The following TRIM44 variants were observed in gnomAD, a reference collection of about 807,000 sequenced individuals.
TRIM44 encodes tripartite motif containing 44.
In TRIM44, 13 loss-of-function variants were observed where a neutral mutation model predicts 37.4. The ratio of observed to expected loss-of-function variants is 0.35; its 90% CI spans 0.23 to 0.55. The LOEUF is 0.55. TRIM44 is among the 20% of genes least tolerant of loss of function. TRIM44 has a pLI of 0.89. For synonymous variants in TRIM44, 175 were observed against 157.2 expected (o/e 1.11, Z -0.85); for missense variants, 426 against 437.2 (o/e 0.97, Z 0.23).
chr11:35,738,770 G>A (rs938490007), intron 4 of TRIM44, among the ~76,000 whole-genome samples: 1 of 152,156 alleles, frequency 6.6e-6, no homozygotes, highest in Non-Finnish European at 1.5e-5. Flanking sequence ...GAAAGGAAGT[G>A]TGGGAGTCCC....
At chr11:35,795,451 T>C (rs1446963458) in intron 4 of TRIM44, among the ~76,000 whole-genome samples, 1 of 151,384 alleles carries the variant, frequency 6.6e-6, no homozygotes, top group South Asian at 2.1e-4. Context: ...ATGGGAGAGG[T>C]TGTGCAGGGT....
intron 4 of TRIM44, among the ~76,000 whole-genome samples, chr11:35,776,450 C>G (rs542763742): frequency 1.3e-5 from 2 of 152,282 alleles, no homozygotes; most frequent in Admixed American, 1.3e-4. Flanking sequence ...TTTTGTGTCT[C>G]TATCTCCTTC....
intron 1 of TRIM44, among the ~76,000 whole-genome samples, chr11:35,670,790 G>T (rs1017568598): frequency 2.6e-4 from 40 of 152,122 alleles, no homozygotes; most frequent in Non-Finnish European, 4.6e-4. Flanking sequence ...TTTAATGCCA[G>T]ATGTTGTGTT....
At chr11:35,770,463 T>C (rs552558644) in intron 4 of TRIM44, among the ~76,000 whole-genome samples, 22 of 152,318 alleles carry the variant, frequency 1.4e-4, no homozygotes, top group African/African-American at 5.0e-4. Flanking sequence ...TGTTTTAAGC[T>C]CTTTAACTGC....
chr11:35,793,897 G>T (rs998728686), intron 4 of TRIM44, among the ~76,000 whole-genome samples: 7 of 152,054 alleles, frequency 4.6e-5, no homozygotes, highest in Admixed American at 3.9e-4. Context: ...TGTTACACAG[G>T]GTTATTATGA....
chr11:35,773,506 T>C (rs1036631489), intron 4 of TRIM44, among the ~76,000 whole-genome samples: 1 of 152,172 alleles, frequency 6.6e-6, no homozygotes. Context: ...AGTTCTAGGG[T>C]ACATGTGCAT....
At chr11:35,715,756 A>G (rs1852032912) in intron 2 of TRIM44, among the ~76,000 whole-genome samples, 1 of 152,118 alleles carries the variant, frequency 6.6e-6, no homozygotes, top group Non-Finnish European at 1.5e-5. Context: ...CTGTACAGGA[A>G]GCATAGTGGC....
intron 3 of TRIM44, among the ~76,000 whole-genome samples, chr11:35,728,976 T>A (rs971828780): frequency 3.9e-5 from 6 of 152,164 alleles, no homozygotes; most frequent in Non-Finnish European, 8.8e-5. Context: ...TTTCACTTAT[T>A]ACAGTAGAAA....
At chr11:35,687,429 G>A (rs1165061596) in intron 2 of TRIM44, among the ~76,000 whole-genome samples, 1 of 152,134 alleles carries the variant, frequency 6.6e-6, no homozygotes, top group South Asian at 2.1e-4. Context: ...GAGGACCCCT[G>A]ATAAAAGTTT....
chr11:35,724,282 A>T (rs1006658077), intron 2 of TRIM44: 1 of 152,230 alleles, frequency 6.6e-6, no homozygotes, highest in African/African-American at 2.4e-5. Context: ...AGGTTTTCCC[A>T]GTTTGACTTC....
chr11:35,756,770 G>T (rs1038014359), intron 4 of TRIM44, among the ~76,000 whole-genome samples: 13 of 152,144 alleles, frequency 8.5e-5, no homozygotes, highest in Non-Finnish European at 1.3e-4. Flanking sequence ...TAATCATGTG[G>T]TTTTTGTCGT....
intron 4 of TRIM44, among the ~76,000 whole-genome samples, chr11:35,767,916 C>A (rs1852818431): frequency 6.6e-6 from 1 of 152,120 alleles, no homozygotes; most frequent in African/African-American, 2.4e-5. Context: ...GGTCCTTGGC[C>A]CCAAGTGGCA....
At chr11:35,691,019 C>T (rs1013392617) in intron 2 of TRIM44, among the ~76,000 whole-genome samples, 2 of 152,198 alleles carry the variant, frequency 1.3e-5, no homozygotes, top group African/African-American at 4.8e-5. Flanking sequence ...CACTCTTCTT[C>T]TACCTCCCTT....
At position 35,716,432 on chromosome 11, in the gene TRIM44, G is replaced by A. The variant is rs540133349; in HGVS notation, c.748-9492G>A. On this transcript the variant is annotated intron_variant, in intron 2 of 4. Transcript: ENST00000299413. ...GGGGGTGCTAAAGTGGAGCCTCGAAGATGGGTCTAGGTGTTTAGCAGGGAG... is the reference window on the plus strand; with the variant it reads ...GGGGGTGCTAAAGTGGAGCCTCGAAAATGGGTCTAGGTGTTTAGCAGGGAG... 3.3e-5 allele frequency among the ~76,000 whole-genome samples: 5 copies of A among 152,282 alleles called. No homozygotes were observed. The East Asian group carries it at 7.7e-4, about 24-fold the overall frequency.
At chr11:35,686,374 GTTTTT>G (rs577200341) in intron 2 of TRIM44, among the ~76,000 whole-genome samples, 11 of 133,388 alleles carry the variant, frequency 8.2e-5, no homozygotes, top group Admixed American at 5.3e-4. Flanking sequence ...TTTTGTTTTT[GTTTTT>G]TTTTTTTTTA....
intron 2 of TRIM44, among the ~76,000 whole-genome samples, chr11:35,689,946 C>T (rs1018614320): frequency 1.3e-5 from 2 of 152,154 alleles, no homozygotes; most frequent in East Asian, 1.9e-4. Context: ...ATGCACTGTT[C>T]ATTGTTTCCT....
chr11:35,710,703 G>C (rs1014041001), intron 2 of TRIM44, among the ~76,000 whole-genome samples: 2 of 152,200 alleles, frequency 1.3e-5, no homozygotes, highest in Non-Finnish European at 2.9e-5. Context: ...CTGGTATAGA[G>C]AGGGAGACAA....
At chr11:35,753,718 T>C (rs1263366861) in intron 4 of TRIM44, among the ~76,000 whole-genome samples, 3 of 152,104 alleles carry the variant, frequency 2.0e-5, no homozygotes, top group Non-Finnish European at 4.4e-5. Flanking sequence ...AGAATATAGT[T>C]GCCAAATTGA....
intron 4 of TRIM44, among the ~76,000 whole-genome samples, chr11:35,770,390 G>T (rs1005838243): frequency 6.6e-6 from 1 of 152,192 alleles, no homozygotes; most frequent in African/African-American, 2.4e-5. Flanking sequence ...CTTTTTGGTA[G>T]AATGATTTAT....
Sources: gnomAD v4.1 joint callset for allele counts (sites outside exome capture counted in the v4.1 genomes callset) on GRCh38, gnomAD v4.1.1 for gene constraint, MANE v1.5 for transcripts, NCBI Gene and HGNC (gene_info 2026-07-23, HGNC 2026-07-21) for gene names.